Variants in ZNRF1 observed in about 807,000 individuals in gnomAD.
ZNRF1 encodes zinc and ring finger 1, also known as E3 ubiquitin-protein ligase ZNRF1.
Under a neutral mutation model 18.4 loss-of-function variants are expected in ZNRF1, and 3 were observed. The ratio of observed to expected loss-of-function variants is 0.16; its 90% CI spans 0.07 to 0.42. The LOEUF is 0.42. ZNRF1 is among the 10% of genes least tolerant of loss of function. ZNRF1 has a pLI of 0.99. For missense variants in ZNRF1, 310 were observed against 329.8 expected (o/e 0.94, Z 0.47); for synonymous variants, 157 against 144.2 (o/e 1.09, Z -0.64).
At chr16:75,106,612 G>T (rs1234372505) in intron 4 of ZNRF1, 41 bp downstream of exon 4, 6 of 1,583,330 alleles carry the variant, frequency 3.8e-6, no homozygotes, top group Non-Finnish European at 5.2e-6. Context: ...CAAGGCTTGG[G>T]GTCAGGTCAC....
rs1358304985 is a variant in ZNRF1, at chr16:74,999,076, G to A, written c.-596G>A. ...GGCGAGCGCAGCCCGGGACCGAGCGGGGCGGCGCGGCTGGCGGGGCCGGCG... is the reference window on the plus strand; with the variant it reads ...GGCGAGCGCAGCCCGGGACCGAGCGAGGCGGCGCGGCTGGCGGGGCCGGCG... On this transcript the variant is annotated 5_prime_UTR_variant, in exon 1 of 5. Transcript: ENST00000335325. 6.7e-6 allele frequency: 1 copy of A among 149,680 alleles called. No individual in the cohort carries two copies. Among genetic ancestry groups the A allele is most frequent in the Non-Finnish European group, 1.5e-5 (1 of 67,174 alleles). 9.3% of individuals were successfully genotyped at this position (149,680 alleles called of 1,614,324 possible). A position where few individuals can be genotyped will look rare whatever the true frequency, so the allele number is the denominator to read the frequency against.
intron 2 of ZNRF1, chr16:75,095,509 CT>C: frequency 7.5e-7 from 1 of 1,336,498 alleles, no homozygotes; most frequent in Admixed American, 2.8e-5. Flanking sequence ...CTATTCACTT[CT>C]TTCCCACATG....
At chr16:75,100,681 G>T (rs1382665524) in intron 2 of ZNRF1, among the ~76,000 whole-genome samples, 1 of 152,198 alleles carries the variant, frequency 6.6e-6, no homozygotes, top group Admixed American at 6.5e-5. Flanking sequence ...AACTACTTAG[G>T]AATCAGTAAT....
intron 2 of ZNRF1, among the ~76,000 whole-genome samples, chr16:75,096,101 T>TGTGTGTGTGTGTGTGTGTGTGTGTG (rs2036197479): frequency 6.7e-6 from 1 of 149,574 alleles, no homozygotes; most frequent in South Asian, 2.1e-4. Flanking sequence ...TGTGTGTGTG[T>TGTGTGTGTGTGTGTGTGTGTGTGTG]AAACTAGAGG....
At chr16:75,004,858 C>T (rs2034898509) in intron 1 of ZNRF1, among the ~76,000 whole-genome samples, 1 of 152,150 alleles carries the variant, frequency 6.6e-6, no homozygotes, top group South Asian at 2.1e-4. Flanking sequence ...TTAAGCAATC[C>T]TCCCACCTCA....
chr16:75,053,316 C>T (rs1042880836), intron 1 of ZNRF1, among the ~76,000 whole-genome samples: 3 of 152,136 alleles, frequency 2.0e-5, no homozygotes, highest in Non-Finnish European at 4.4e-5. Context: ...TGGCTGGGTG[C>T]AGTGGCTCAT....
chr16:75,018,416 T>C (rs1335827028), intron 1 of ZNRF1, among the ~76,000 whole-genome samples: 1 of 152,216 alleles, frequency 6.6e-6, no homozygotes, highest in Non-Finnish European at 1.5e-5. Flanking sequence ...TGTGTTACTT[T>C]TCTTTCTTAT....
intron 1 of ZNRF1, among the ~76,000 whole-genome samples, chr16:75,037,088 A>G (rs983795537): frequency 2.6e-5 from 4 of 152,292 alleles, no homozygotes; most frequent in African/African-American, 7.2e-5. Context: ...TACAGATGGG[A>G]ATTGACAGAG....
chr16:74,999,531 T>G lies in ZNRF1; in HGVS notation c.-141T>G. The G allele has an allele frequency of 1.7e-6, 1 of 602,052 alleles. No individual in the cohort carries two copies. Among genetic ancestry groups the G allele is most frequent in the Non-Finnish European group, 2.4e-6 (1 of 408,944 alleles). 37.3% of individuals were successfully genotyped at this position (602,052 alleles called of 1,614,324 possible). A position where few individuals can be genotyped will look rare whatever the true frequency, so the allele number is the denominator to read the frequency against. On this transcript the variant is annotated 5_prime_UTR_variant, in exon 1 of 5. Coordinates refer to ENST00000335325, the MANE Select transcript of ZNRF1 (RefSeq NM_032268.5). Reference sequence around the variant, plus strand: ...CCCGCGGGTTTTTTCCTTTTTTCCTTTTGCTTTTTTTCCTTTTCTCCCTCC... The same window carrying G: ...CCCGCGGGTTTTTTCCTTTTTTCCTGTTGCTTTTTTTCCTTTTCTCCCTCC...
intron 1 of ZNRF1, among the ~76,000 whole-genome samples, chr16:75,049,666 A>G (rs557110551): frequency 5.9e-5 from 9 of 152,174 alleles, no homozygotes; most frequent in African/African-American, 1.2e-4. Context: ...CGCTGCTTCT[A>G]CTTACTTCTG....
In ZNRF1 at chr16:75,049,299, C is replaced by T. The variant is rs994170535; in HGVS notation, c.425-44273C>T. ...GGATTACAGGTGTGAGCACCACACC[C>T]GGCCTGGAATCCTTTTTTTTATGTC... On this transcript the variant is annotated intron_variant, in intron 1 of 4. Coordinates refer to ENST00000335325, the MANE Select transcript of ZNRF1 (RefSeq NM_032268.5). Among the ~76,000 whole-genome samples, 10 of 152,178 alleles carry T rather than the reference C, an allele frequency of 6.6e-5. No individual in the cohort carries two copies. The South Asian group carries it at 8.3e-4, about 13-fold the overall frequency.
intron 2 of ZNRF1, 56 bp downstream of exon 2, chr16:75,093,723 A>C: frequency 6.9e-7 from 1 of 1,450,550 alleles, no homozygotes; most frequent in Non-Finnish European, 9.7e-7. Flanking sequence ...GGAGCCGGCC[A>C]GTCCTTGTGG....
intron 1 of ZNRF1, among the ~76,000 whole-genome samples, chr16:75,067,486 G>A (rs1425829316): frequency 6.6e-6 from 1 of 152,152 alleles, no homozygotes; most frequent in East Asian, 1.9e-4. Flanking sequence ...TGGATTTTTT[G>A]AAGAAATCTT....
At chr16:75,070,286 C>T (rs2035854541) in intron 1 of ZNRF1, among the ~76,000 whole-genome samples, 1 of 152,204 alleles carries the variant, frequency 6.6e-6, no homozygotes, top group African/African-American at 2.4e-5. Flanking sequence ...ATTCACACCA[C>T]CGATAGCCTG....
intron 1 of ZNRF1, among the ~76,000 whole-genome samples, chr16:75,045,872 G>T (rs546867167): frequency 6.6e-6 from 1 of 151,228 alleles, no homozygotes; most frequent in East Asian, 1.9e-4. Flanking sequence ...ACTGTGTCCC[G>T]CTGTCATTTA....
At chr16:75,018,413 C>T (rs1429491257) in intron 1 of ZNRF1, among the ~76,000 whole-genome samples, 3 of 152,036 alleles carry the variant, frequency 2.0e-5, no homozygotes, top group African/African-American at 7.2e-5. Flanking sequence ...TTTTGTGTTA[C>T]TTTTCTTTCT....
chr16:75,038,482 G>GT lies in ZNRF1; in HGVS notation c.424+38388dup, dbSNP rs2035401769. Among the ~76,000 whole-genome samples the GT allele has an allele frequency of 2.0e-5, 3 of 152,350 alleles. No individual in the cohort carries two copies. The South Asian group carries it at 6.2e-4, about 32-fold the overall frequency. On this transcript the variant is annotated intron_variant, in intron 1 of 4. Coordinates refer to ENST00000335325, the MANE Select transcript of ZNRF1 (RefSeq NM_032268.5). Reference sequence around the variant, plus strand: ...CTACTAGCCTTGGAAGTTACATGATGTGGCTTTCTCCACCTTCCGTTGGTC... The same window carrying GT: ...CTACTAGCCTTGGAAGTTACATGATGTTGGCTTTCTCCACCTTCCGTTGGTC...
chr16:75,105,970 G>T, intron 3 of ZNRF1: 1 of 154,504 alleles, frequency 6.5e-6, no homozygotes, highest in Admixed American at 6.4e-5. Flanking sequence ...TAGAGCTTGG[G>T]GCTCTCCTAA....
intron 1 of ZNRF1, among the ~76,000 whole-genome samples, chr16:75,062,439 C>T (rs969064259): frequency 1.3e-5 from 2 of 152,302 alleles, no homozygotes; most frequent in East Asian, 1.9e-4. Context: ...AATTCTTTAT[C>T]GGAAAGAGTC....
Sources: gnomAD v4.1 joint callset for allele counts (sites outside exome capture counted in the v4.1 genomes callset) on GRCh38, gnomAD v4.1.1 for gene constraint, MANE v1.5 for transcripts, NCBI Gene and HGNC (gene_info 2026-07-23, HGNC 2026-07-21) for gene names.